Variants in ERGIC1 observed in about 807,000 individuals in gnomAD.
ERGIC1 encodes endoplasmic reticulum-Golgi intermediate compartment protein 1.
ERGIC1 carries 19 observed loss-of-function variants against 38.3 expected under a neutral mutation model. That is an observed-to-expected ratio of 0.50 (90% confidence interval 0.35 to 0.73). ERGIC1 has a LOEUF of 0.73. Among genes scored for constraint, ERGIC1 ranks in the 30% least tolerant of loss-of-function variants. The pLI, the probability that ERGIC1 is intolerant of heterozygous loss-of-function variation, is 0.01. For synonymous variants in ERGIC1, 124 were observed against 157.6 expected, an observed-to-expected ratio of 0.79 and a Z score of 1.60; for missense variants, 294 against 389.2, an observed-to-expected ratio of 0.76 and a Z score of 2.06.
intron 1 of ERGIC1, among the ~76,000 whole-genome samples, chr5:172,841,673 G>C (rs1274564278): frequency 6.6e-6 from 1 of 152,188 alleles, no homozygotes; most frequent in East Asian, 1.9e-4. Context: ...TCAGATTCTG[G>C]TCTGGGTCTT....
At chr5:172,859,132 G>C (rs1232070689) in intron 1 of ERGIC1, among the ~76,000 whole-genome samples, 1 of 152,132 alleles carries the variant, frequency 6.6e-6, no homozygotes, top group Non-Finnish European at 1.5e-5. Flanking sequence ...CCTCCTCCTG[G>C]TGCTTGGGTC....
At chr5:172,852,739 A>T (rs1761442102) in intron 1 of ERGIC1, among the ~76,000 whole-genome samples, 1 of 152,240 alleles carries the variant, frequency 6.6e-6, no homozygotes, top group Non-Finnish European at 1.5e-5. Context: ...GGGGATGGTA[A>T]TGGTACCTTC....
chr5:172,925,835 T>C (rs1439745669), intron 6 of ERGIC1, among the ~76,000 whole-genome samples: 1 of 152,198 alleles, frequency 6.6e-6, no homozygotes, highest in Non-Finnish European at 1.5e-5. Flanking sequence ...TGCCTTGTCC[T>C]TCTTTAGATG....
chr5:172,851,358 A>G (rs1412076223), intron 1 of ERGIC1, among the ~76,000 whole-genome samples: 2 of 151,274 alleles, frequency 1.3e-5, no homozygotes, highest in Non-Finnish European at 2.9e-5. Flanking sequence ...AAAATACAAA[A>G]ATTAGCCGGG....
intron 1 of ERGIC1, among the ~76,000 whole-genome samples, chr5:172,861,002 C>T (rs539917591): frequency 2.0e-5 from 3 of 152,242 alleles, no homozygotes; most frequent in Admixed American, 2.0e-4. Context: ...AACTCATCCA[C>T]CCTCCTGGGC....
intron 1 of ERGIC1, among the ~76,000 whole-genome samples, chr5:172,853,657 C>T (rs1487165914): frequency 6.6e-6 from 1 of 152,232 alleles, no homozygotes; most frequent in African/African-American, 2.4e-5. Context: ...CCTTGGTGTT[C>T]TAAGCAGCCT....
chr5:172,926,461 G>A lies in ERGIC1; in HGVS notation c.481-48G>A, dbSNP rs1373849208. On this transcript the variant is annotated intron_variant, in intron 6 of 9. Coordinates refer to ENST00000393784, the MANE Select transcript of ERGIC1 (RefSeq NM_001031711.3). The surrounding 1 kb of genome is among the most constrained non-coding windows in gnomAD (Gnocchi z 5.2). ...TCCCCCACAACCAGGGCCAGGCCTG[G>A]AGGTGGAGGTGTCCTGGGGACCATC... 6.2e-7 allele frequency: 1 copy of A among 1,609,936 alleles called. No homozygotes were observed. The highest frequency in any genetic ancestry group is 1.7e-5 in the Admixed American group (1 of 60,014).
intron 5 of ERGIC1, among the ~76,000 whole-genome samples, chr5:172,919,656 G>T (rs1011096784): frequency 6.6e-6 from 1 of 152,220 alleles, no homozygotes; most frequent in African/African-American, 2.4e-5. Context: ...GTAGAATGGG[G>T]ATAATAATAC....
chr5:172,898,820 G>T (rs923205037), intron 3 of ERGIC1, among the ~76,000 whole-genome samples: 1 of 152,106 alleles, frequency 6.6e-6, no homozygotes, highest in Non-Finnish European at 1.5e-5. Context: ...TTCCCCCCAG[G>T]CCTCTAATGG....
intron 1 of ERGIC1, among the ~76,000 whole-genome samples, chr5:172,886,177 A>C: frequency 6.6e-6 from 1 of 151,352 alleles, no homozygotes; most frequent in South Asian, 2.1e-4. Flanking sequence ...GGCCCTCAGG[A>C]CCCTCTCCTC....
intron 1 of ERGIC1, among the ~76,000 whole-genome samples, chr5:172,863,053 C>A (rs957877128): frequency 6.6e-6 from 1 of 152,216 alleles, no homozygotes; most frequent in African/African-American, 2.4e-5. Context: ...GCAATCCCAG[C>A]TCACTGCAAC....
At chr5:172,840,678 A>T (rs1761139122) in intron 1 of ERGIC1, among the ~76,000 whole-genome samples, 1 of 152,112 alleles carries the variant, frequency 6.6e-6, no homozygotes, top group Non-Finnish European at 1.5e-5. Flanking sequence ...CTGTTACCCC[A>T]CCAGTGAAGT....
intron 9 of ERGIC1, among the ~76,000 whole-genome samples, chr5:172,939,000 TTG>T (rs1442075586): frequency 1.3e-5 from 2 of 151,770 alleles, no homozygotes; most frequent in Non-Finnish European, 2.9e-5. Flanking sequence ...CAGACAGAGG[TTG>T]CAGTGAGCCG....
chr5:172,950,977 A>G lies in ERGIC1; in HGVS notation c.*161A>G. ...GAGGATGGCTCGATGTTTTGCAGCT[A>G]CCTCTTTTCCCCGTGTTTCTTTTTA... is the stretch of plus-strand genomic sequence containing the variant. On this transcript the variant is annotated 3_prime_UTR_variant, in exon 10 of 10. Coordinates refer to ENST00000393784, the MANE Select transcript of ERGIC1 (RefSeq NM_001031711.3). 2 of 548,216 alleles carry G rather than the reference A, an allele frequency of 3.6e-6. No homozygotes were observed. Among genetic ancestry groups the G allele is most frequent in the East Asian group, 3.2e-5 (1 of 30,998 alleles). 34.0% of individuals were successfully genotyped at this position (548,216 alleles called of 1,614,324 possible).
intron 9 of ERGIC1, among the ~76,000 whole-genome samples, chr5:172,942,517 TAGA>T (rs1173612828): frequency 6.6e-6 from 1 of 152,074 alleles, no homozygotes; most frequent in Non-Finnish European, 1.5e-5. Context: ...AATGAGCACA[TAGA>T]AGGAGAGGTG....
chr5:172,838,671 A>G (rs915308035), intron 1 of ERGIC1, among the ~76,000 whole-genome samples: 1 of 152,050 alleles, frequency 6.6e-6, no homozygotes, highest in South Asian at 2.1e-4. Context: ...GCCTCAAGTC[A>G]TCCTCCTTCC....
intron 5 of ERGIC1, chr5:172,915,415 C>T (rs1753142216): frequency 2.4e-6 from 1 of 408,544 alleles, no homozygotes; most frequent in Non-Finnish European, 5.0e-6. Flanking sequence ...ATGCTAAGTG[C>T]AGTGATGAGG....
chr5:172,868,712 A>G (rs1761933072), intron 1 of ERGIC1, among the ~76,000 whole-genome samples: 1 of 152,186 alleles, frequency 6.6e-6, no homozygotes, highest in South Asian at 2.1e-4. Flanking sequence ...GGAGACAATG[A>G]TGAGTCAGTG....
chr5:172,914,891 C>A (rs778584370), intron 5 of ERGIC1, 53 bp downstream of exon 5: 3 of 1,502,154 alleles, frequency 2.0e-6, no homozygotes, highest in African/African-American at 1.4e-5. Context: ...CCTGCTGTCT[C>A]CCCGCTCCCT....
Sources: gnomAD v4.1 joint callset for allele counts (sites outside exome capture counted in the v4.1 genomes callset) on GRCh38, gnomAD v4.1.1 for gene constraint, Gnocchi (gnomAD v3.1) non-coding constraint, MANE v1.5 for transcripts, NCBI Gene and HGNC (gene_info 2026-07-23, HGNC 2026-07-21) for gene names.